SHB: variants seen among roughly 807,000 people sequenced by gnomAD.
SHB encodes the protein SH2 domain containing adaptor protein B.
In SHB, 20 loss-of-function variants were observed where a neutral mutation model predicts 52.3. The observed-to-expected ratio is 0.38, with a 90% CI of 0.27 to 0.56. The LOEUF (loss-of-function observed/expected upper bound fraction) is 0.56. Ranked by LOEUF, SHB falls within the 20% of genes least tolerant of loss-of-function variation. The pLI is 0.71. For synonymous variants in SHB, 397 were observed against 316.5 expected, an observed-to-expected ratio of 1.25 and a Z score of -2.70; for missense variants, 825 against 723.3, an observed-to-expected ratio of 1.14 and a Z score of -1.61.
In SHB at chr9:37,917,202, G is replaced by T. The variant is rs1282768894; in HGVS notation, c.*2619C>A. Among the ~76,000 whole-genome samples the T allele has an allele frequency of 1.3e-5, 2 of 152,142 alleles. No homozygotes were observed. The highest frequency in any genetic ancestry group is 4.8e-5 in the African/African-American group (2 of 41,414). Reference sequence around the variant, plus strand: ...ACAATTAGAGGAAGAAGAGGGAGAGGTTCATAAAATTAAGGGAAAAAAATT... The same window carrying T: ...ACAATTAGAGGAAGAAGAGGGAGAGTTTCATAAAATTAAGGGAAAAAAATT... On this transcript the variant is annotated 3_prime_UTR_variant, in exon 6 of 6. Transcript: ENST00000377707.
chr9:37,958,388 C>T (rs886498062), intron 3 of SHB, among the ~76,000 whole-genome samples: 12 of 152,272 alleles, frequency 7.9e-5, no homozygotes, highest in Admixed American at 7.2e-4. Flanking sequence ...TTGACCTAAG[C>T]GCTGGAAGGA....
chr9:38,016,747 C>G (rs1025244317), intron 1 of SHB, among the ~76,000 whole-genome samples: 1 of 152,204 alleles, frequency 6.6e-6, no homozygotes, highest in African/African-American at 2.4e-5. Context: ...ACAGCCAGGG[C>G]CAGTAAGGAC....
intron 2 of SHB, among the ~76,000 whole-genome samples, chr9:38,002,994 C>G (rs760401411): frequency 3.3e-5 from 5 of 152,202 alleles, no homozygotes; most frequent in Admixed American, 6.5e-5. Flanking sequence ...TACAACAAAT[C>G]TTGGTCCAGA....
intron 2 of SHB, among the ~76,000 whole-genome samples, chr9:37,996,307 A>C (rs1820945881): frequency 6.6e-6 from 1 of 152,178 alleles, no homozygotes; most frequent in Non-Finnish European, 1.5e-5. Flanking sequence ...TCTCGCCTGG[A>C]TCATAAAGTC....
intron 3 of SHB, among the ~76,000 whole-genome samples, chr9:37,966,899 G>A (rs189642361): frequency 1.4e-3 from 206 of 152,368 alleles, no homozygotes; most frequent in African/African-American, 4.6e-3. Flanking sequence ...GCTTCAGAGC[G>A]ACTGTGTTTG....
In SHB at chr9:37,949,253, C is replaced by T. The variant is rs374320696; in HGVS notation, c.1227-499G>A. Among the ~76,000 whole-genome samples the T allele has an allele frequency of 2.6e-5, 4 of 151,734 alleles. No individual in the cohort carries two copies. In the South Asian group the frequency reaches 6.3e-4, roughly 24 times the overall value. On this transcript the variant is annotated intron_variant, in intron 4 of 5. Transcript: ENST00000377707. ...ACTAAAAATACAAAAATTAGCCGGG[C>T]GTGGTGGTGGGCGCCTGTAATCCCA...
intron 1 of SHB, among the ~76,000 whole-genome samples, chr9:38,020,827 G>A (rs72726024): frequency 6.6e-6 from 1 of 152,150 alleles, no homozygotes; most frequent in Non-Finnish European, 1.5e-5. Flanking sequence ...GGGTGGGGGG[G>A]TGGCCCAACA....
chr9:37,995,082 A>G (rs889617117), intron 2 of SHB, among the ~76,000 whole-genome samples: 9 of 152,142 alleles, frequency 5.9e-5, no homozygotes, highest in Non-Finnish European at 1.2e-4. Flanking sequence ...TTGATGTGGG[A>G]TGACAGCTGA....
At chr9:37,925,453 G>A (rs1832237634) in intron 5 of SHB, among the ~76,000 whole-genome samples, 1 of 152,224 alleles carries the variant, frequency 6.6e-6, no homozygotes, top group African/African-American at 2.4e-5. Flanking sequence ...CTCCCCCAGG[G>A]AGGCCACAGG....
chr9:38,034,150 C>T (rs1031572939), intron 1 of SHB, among the ~76,000 whole-genome samples: 5 of 152,326 alleles, frequency 3.3e-5, no homozygotes, highest in Non-Finnish European at 5.9e-5. Context: ...TCTCACCCTG[C>T]GGGCAAGCCC....
intron 3 of SHB, among the ~76,000 whole-genome samples, chr9:37,974,258 A>AAAATAAAT (rs756553606): frequency 1.6e-4 from 24 of 152,104 alleles, no homozygotes; most frequent in African/African-American, 5.3e-4. Flanking sequence ...CTCTGTCTCA[A>AAAATAAAT]AAATAAATAA....
intron 2 of SHB, among the ~76,000 whole-genome samples, chr9:37,987,764 G>A (rs1455540495): frequency 1.3e-5 from 2 of 152,148 alleles, no homozygotes; most frequent in African/African-American, 4.8e-5. Context: ...GAAGAGAGTG[G>A]CCCACCAAGG....
intron 1 of SHB, among the ~76,000 whole-genome samples, chr9:38,028,168 C>T (rs1158227109): frequency 6.6e-6 from 1 of 152,122 alleles, no homozygotes; most frequent in Non-Finnish European, 1.5e-5. Context: ...AGGGCCCTGT[C>T]CCAGAGACTA....
intron 1 of SHB, among the ~76,000 whole-genome samples, chr9:38,020,913 ATTT>A (rs1821274216): frequency 6.6e-6 from 1 of 152,224 alleles, no homozygotes; most frequent in Non-Finnish European, 1.5e-5. Flanking sequence ...GCCAAGGCCA[ATTT>A]ACTCTCAGCA....
intron 5 of SHB, among the ~76,000 whole-genome samples, chr9:37,943,184 G>T (rs531228341): frequency 6.6e-6 from 1 of 152,274 alleles, no homozygotes; most frequent in Admixed American, 6.5e-5. Flanking sequence ...TCTGCAGCCT[G>T]CCTTTTCTCC....
intron 4 of SHB, among the ~76,000 whole-genome samples, chr9:37,953,080 G>T (rs1832585408): frequency 6.6e-6 from 1 of 152,014 alleles, no homozygotes; most frequent in South Asian, 2.1e-4. Context: ...GGAGATGGAA[G>T]AGTGGCCAGG....
At chr9:37,986,050 A>C (rs1820803196) in intron 2 of SHB, among the ~76,000 whole-genome samples, 1 of 152,246 alleles carries the variant, frequency 6.6e-6, no homozygotes, top group South Asian at 2.1e-4. Flanking sequence ...TGTATGTACC[A>C]GCAGCTTGAT....
chr9:37,996,899 C>G (rs186605872), intron 2 of SHB, among the ~76,000 whole-genome samples: 19 of 152,190 alleles, frequency 1.2e-4, no homozygotes, highest in Admixed American at 1.0e-3. Flanking sequence ...CCATATCTAC[C>G]GGCTTATCCT....
intron 2 of SHB, 91 bp downstream of exon 2, chr9:38,015,920 G>T: frequency 7.6e-7 from 1 of 1,318,734 alleles, no homozygotes; most frequent in South Asian, 1.3e-5. Context: ...TGCCCCCAGT[G>T]AGGCTGGTTG....
Sources: allele counts gnomAD v4.1 joint callset (sites outside exome capture counted in the v4.1 genomes callset), GRCh38; gene constraint gnomAD v4.1.1; transcripts MANE v1.5; gene names NCBI Gene and HGNC (gene_info 2026-07-23, HGNC 2026-07-21).